CDC42EP3: variants seen among roughly 807,000 people sequenced by gnomAD.
CDC42EP3 encodes the protein CDC42 effector protein (Rho GTPase binding) 3.
In CDC42EP3, 4 loss-of-function variants were observed where a neutral mutation model predicts 15.5. The observed-to-expected ratio is 0.26, with a 90% confidence interval of 0.13 to 0.59. CDC42EP3 has a LOEUF of 0.59. Among genes scored for constraint, CDC42EP3 ranks in the 20% least tolerant of loss-of-function variants. The pLI, the probability that CDC42EP3 is intolerant of heterozygous loss-of-function variation, is 0.89. For synonymous variants in CDC42EP3, 145 were observed against 130.3 expected, an observed-to-expected ratio of 1.11 and a Z score of -0.77; for missense variants, 309 against 311.2, an observed-to-expected ratio of 0.99 and a Z score of 0.05.
At chr2:37,669,543 T>C (rs565487810) in intron 1 of CDC42EP3, among the ~76,000 whole-genome samples, 9 of 152,352 alleles carry the variant, frequency 5.9e-5, no homozygotes, top group Admixed American at 1.3e-4. Flanking sequence ...TCCATAGAGA[T>C]ACGTGAAACA....
intron 1 of CDC42EP3, among the ~76,000 whole-genome samples, chr2:37,661,483 T>A (rs1558342262): frequency 6.6e-6 from 1 of 152,190 alleles, no homozygotes; most frequent in African/African-American, 2.4e-5. Context: ...ATTGTGCCAG[T>A]GGCTAACTGG....
chr2:37,653,218 G>A (rs1385605935), intron 1 of CDC42EP3, among the ~76,000 whole-genome samples: 1 of 152,180 alleles, frequency 6.6e-6, no homozygotes. Flanking sequence ...GAGAACACAT[G>A]TGGCAGGCAG....
chr2:37,665,127 T>TTATATATA (rs10638447), intron 1 of CDC42EP3, among the ~76,000 whole-genome samples: 2 of 150,950 alleles, frequency 1.3e-5, no homozygotes, highest in African/African-American at 2.4e-5. Context: ...AAACTCCCCT[T>TTATATATA]TATATATATA....
chr2:37,655,926 T>C (rs1665833918), intron 1 of CDC42EP3, among the ~76,000 whole-genome samples: 1 of 152,242 alleles, frequency 6.6e-6, no homozygotes, highest in Admixed American at 6.5e-5. Flanking sequence ...GTTCTGGTAA[T>C]GGTAATTTCA....
intron 1 of CDC42EP3, among the ~76,000 whole-genome samples, chr2:37,653,226 C>G (rs1434500233): frequency 1.3e-5 from 2 of 152,136 alleles, no homozygotes; most frequent in African/African-American, 4.8e-5. Context: ...ATGTGGCAGG[C>G]AGACAGGTGG....
intron 1 of CDC42EP3, among the ~76,000 whole-genome samples, chr2:37,655,722 T>C (rs1013745917): frequency 1.3e-5 from 2 of 152,204 alleles, no homozygotes; most frequent in East Asian, 1.9e-4. Context: ...CGTGTTTCCA[T>C]AACTAATGGA....
In CDC42EP3 at chr2:37,646,419, A is replaced by C. The variant is rs1291672447; in HGVS notation, c.169T>G (p.Ser57Ala). The C allele has an allele frequency of 6.2e-7, 1 of 1,613,964 alleles. No homozygotes were observed. The highest frequency in any genetic ancestry group is 8.5e-7 in the Non-Finnish European group (1 of 1,180,012). ...AGCTCGTAGTTCCCTTGAAGAAAGG[A>C]AATATCTCCAAAGACATCGTGCTGG... ...EGQHDVFGDISFLQGNYELLP... is the reference protein window; with the variant it reads ...EGQHDVFGDIAFLQGNYELLP... Residue 57 changes from serine (S) to alanine (A), a missense_variant, in exon 2 of 2, where the codon TCC becomes GCC. Physicochemically the swap from Ser to Ala is moderately conservative, Grantham distance 99. Coordinates refer to ENST00000295324, the MANE Select transcript of CDC42EP3 (RefSeq NM_006449.5).
intron 1 of CDC42EP3, among the ~76,000 whole-genome samples, chr2:37,656,877 A>T (rs1263956556): frequency 6.6e-6 from 1 of 151,916 alleles, no homozygotes; most frequent in African/African-American, 2.4e-5. Context: ...TCCATCTCTA[A>T]CTCACTAGGA....
intron 1 of CDC42EP3, among the ~76,000 whole-genome samples, chr2:37,660,388 A>G (rs2124630074): frequency 6.6e-6 from 1 of 152,292 alleles, no homozygotes; most frequent in South Asian, 2.1e-4. Flanking sequence ...TCACACCTAC[A>G]TGCATCGGTT....
chr2:37,662,719 T>C (rs1666103994), intron 1 of CDC42EP3, among the ~76,000 whole-genome samples: 6 of 152,072 alleles, frequency 3.9e-5, no homozygotes, highest in Admixed American at 3.3e-4. Flanking sequence ...TACACTAAAC[T>C]TAATAGAAGG....
intron 1 of CDC42EP3, among the ~76,000 whole-genome samples, chr2:37,655,980 T>A (rs1196398241): frequency 6.6e-6 from 1 of 152,234 alleles, no homozygotes; most frequent in Admixed American, 6.5e-5. Flanking sequence ...AAATTCAGAT[T>A]ATGGTCATTT....
At chr2:37,652,489 C>T (rs1314782304) in intron 1 of CDC42EP3, among the ~76,000 whole-genome samples, 1 of 152,202 alleles carries the variant, frequency 6.6e-6, no homozygotes, top group African/African-American at 2.4e-5. Flanking sequence ...ACTCTCAACA[C>T]CAGCATTAAC....
chr2:37,667,157 CTTG>C (rs1666274628), intron 1 of CDC42EP3, among the ~76,000 whole-genome samples: 1 of 152,092 alleles, frequency 6.6e-6, no homozygotes, highest in Non-Finnish European at 1.5e-5. Context: ...CAAAGGTTTC[CTTG>C]TTGTGTGTTT....
In CDC42EP3 at chr2:37,642,495, C is replaced by T. The variant is rs1284211100; in HGVS notation, c.*3328G>A. On this transcript the variant is annotated 3_prime_UTR_variant, in exon 2 of 2. Coordinates refer to ENST00000295324, the MANE Select transcript of CDC42EP3 (RefSeq NM_006449.5). ...TAATCTGGGAGGCTAATTCTAAAAT[C>T]GGATTTTATGAGAATTGCTAGATTT... 1 of 152,136 alleles carries T rather than the reference C, an allele frequency of 6.6e-6. No homozygotes were observed. Among genetic ancestry groups the T allele is most frequent in the African/African-American group, 2.4e-5 (1 of 41,430 alleles). The allele number at this position is 152,136 out of a possible 1,614,324, so 9.4% of individuals were successfully genotyped here.
At position 37,646,296 on chromosome 2, in the gene CDC42EP3, T is replaced by C. The variant is rs1665465087; in HGVS notation, c.292A>G (p.Thr98Ala). 4 of 1,614,036 alleles carry C rather than the reference T, an allele frequency of 2.5e-6. No individual in the cohort carries two copies. In the South Asian group the frequency reaches 3.3e-5, roughly 13 times the overall value. ...GCATTTTTGAGCACCGGGGAGGGCG[T>C]TTCTGTGAACACAGAGTCCGAGGTG... ...NSTSDSVFTE[T>A]PSPVLKNAIS... Residue 98 changes from threonine (T) to alanine (A), a missense_variant, in exon 2 of 2, where the codon ACG becomes GCG. Coordinates refer to ENST00000295324, the MANE Select transcript of CDC42EP3 (RefSeq NM_006449.5).
intron 1 of CDC42EP3, among the ~76,000 whole-genome samples, chr2:37,663,702 T>C (rs1341143947): frequency 1.3e-5 from 2 of 152,140 alleles, no homozygotes; most frequent in African/African-American, 4.8e-5. Flanking sequence ...AATAAGCTAG[T>C]GTGGTGGTTA....
intron 1 of CDC42EP3, among the ~76,000 whole-genome samples, chr2:37,659,401 C>T (rs189912554): frequency 2.0e-5 from 3 of 152,326 alleles, no homozygotes; most frequent in East Asian, 1.9e-4. Context: ...CTTCCCCTAT[C>T]CATGCAGGGT....
In CDC42EP3 at chr2:37,667,947, T is replaced by C. The variant is rs547799749; in HGVS notation, c.-236+3479A>G. Among the ~76,000 whole-genome samples the C allele has an allele frequency of 3.3e-5, 5 of 152,322 alleles. No individual in the cohort carries two copies. In the South Asian group the frequency reaches 1.0e-3, roughly 32 times the overall value. ...CATCTGGAAAAGAAGAGCAATATAA[T>C]AGTCTGCCTTATCCTCCACGGATAT... On this transcript the variant is annotated intron_variant, in intron 1 of 1. Transcript: ENST00000295324.
At chr2:37,655,094 C>G (rs1429017294) in intron 1 of CDC42EP3, among the ~76,000 whole-genome samples, 1 of 152,208 alleles carries the variant, frequency 6.6e-6, no homozygotes, top group Non-Finnish European at 1.5e-5. Flanking sequence ...GATTCTTACC[C>G]TCTCCCCATA....
Sources: allele counts gnomAD v4.1 joint callset (sites outside exome capture counted in the v4.1 genomes callset), GRCh38; gene constraint gnomAD v4.1.1; transcripts MANE v1.5; gene names NCBI Gene and HGNC (gene_info 2026-07-23, HGNC 2026-07-21).